NCKAP5: variants seen among roughly 807,000 people sequenced by gnomAD.
NCKAP5 encodes nck-associated protein 5.
A neutral mutation model predicts 167.0 loss-of-function variants in NCKAP5; 92 were observed. That is an observed-to-expected ratio of 0.55 (90% CI 0.47 to 0.66). The LOEUF (loss-of-function observed/expected upper bound fraction) is 0.66. NCKAP5 is among the 30% of genes least tolerant of loss of function. NCKAP5 has a pLI of 0.00. For synonymous variants in NCKAP5, 891 were observed against 877.4 expected, an observed-to-expected ratio of 1.02 and a Z score of -0.27; for missense variants, 2,378 against 2,315.0, an observed-to-expected ratio of 1.03 and a Z score of -0.56.
At chr2:133,671,285 G>C in the NCKAP5 span, among the ~76,000 whole-genome samples, 56 of 151,566 alleles carry the variant, frequency 3.7e-4, no homozygotes, top group African/African-American at 1.3e-3. Flanking sequence ...TGAGAGCAGA[G>C]GCAATGTGAT....
intron 7 of NCKAP5, among the ~76,000 whole-genome samples, chr2:132,975,798 A>C (rs575167095): frequency 3.2e-4 from 49 of 152,094 alleles, no homozygotes; most frequent in African/African-American, 9.9e-4. Context: ...AAAAAAAAAA[A>C]CCTCATAACT....
intron 19 of NCKAP5, among the ~76,000 whole-genome samples, chr2:132,695,810 A>G (rs1464388984): frequency 6.6e-6 from 1 of 152,206 alleles, no homozygotes; most frequent in Admixed American, 6.5e-5. Context: ...CCGTTTACAC[A>G]TCACACAATT....
intron 5 of NCKAP5, among the ~76,000 whole-genome samples, chr2:133,141,761 T>G (rs2083005967): frequency 6.6e-6 from 1 of 152,196 alleles, no homozygotes; most frequent in Non-Finnish European, 1.5e-5. Flanking sequence ...AACGAAGACT[T>G]GAGAACAAGT....
At chr2:133,235,262 T>A (rs1418118937) in intron 4 of NCKAP5, among the ~76,000 whole-genome samples, 2 of 152,074 alleles carry the variant, frequency 1.3e-5, no homozygotes, top group South Asian at 2.1e-4. Context: ...GCAGTGAAAG[T>A]GTGAGTGACC....
chr2:133,232,889 C>A (rs143851349), intron 4 of NCKAP5, among the ~76,000 whole-genome samples: 2 of 152,098 alleles, frequency 1.3e-5, no homozygotes, highest in African/African-American at 2.4e-5. Context: ...ACCTCAATGG[C>A]AAAATGTCTC....
At chr2:132,877,896 C>T (rs1043991346) in intron 9 of NCKAP5, among the ~76,000 whole-genome samples, 5 of 152,258 alleles carry the variant, frequency 3.3e-5, no homozygotes, top group South Asian at 2.1e-4. Flanking sequence ...TGGAACCAGA[C>T]GAAATGCAGT....
chr2:132,765,280 A>G (rs1008777175), intron 16 of NCKAP5, among the ~76,000 whole-genome samples: 5 of 146,024 alleles, frequency 3.4e-5, no homozygotes, highest in African/African-American at 1.0e-4. Flanking sequence ...AACTCTTCAA[A>G]TTTGTTTTCC....
intron 5 of NCKAP5, among the ~76,000 whole-genome samples, chr2:133,149,202 A>G (rs1274821766): frequency 6.6e-6 from 1 of 152,190 alleles, no homozygotes; most frequent in Non-Finnish European, 1.5e-5. Flanking sequence ...AGAAGCTTCT[A>G]ACATCTCACT....
chr2:133,181,314 A>T (rs2084722367), intron 5 of NCKAP5, among the ~76,000 whole-genome samples: 1 of 152,056 alleles, frequency 6.6e-6, no homozygotes, highest in Non-Finnish European at 1.5e-5. Flanking sequence ...CCACTAGAAA[A>T]GCTACATAAA....
the NCKAP5 span, among the ~76,000 whole-genome samples, chr2:133,666,727 T>C: frequency 1.3e-5 from 2 of 151,980 alleles, no homozygotes; most frequent in African/African-American, 4.8e-5. Flanking sequence ...GATAATGGAA[T>C]CGATTTAAAT....
At chr2:133,459,168 T>C (rs1692040761) in intron 3 of NCKAP5, among the ~76,000 whole-genome samples, 1 of 152,138 alleles carries the variant, frequency 6.6e-6, no homozygotes, top group Non-Finnish European at 1.5e-5. Flanking sequence ...AGGATTTTCT[T>C]AGCATTTTCC....
chr2:133,416,535 G>T (rs969747279), intron 3 of NCKAP5, among the ~76,000 whole-genome samples: 7 of 152,066 alleles, frequency 4.6e-5, no homozygotes, highest in Admixed American at 2.0e-4. Context: ...GAAACTTCAG[G>T]CTTCTTGGAA....
intron 10 of NCKAP5, among the ~76,000 whole-genome samples, chr2:132,866,271 C>A (rs1015813927): frequency 1.3e-5 from 2 of 152,114 alleles, no homozygotes; most frequent in Non-Finnish European, 2.9e-5. Flanking sequence ...CACTGAAGAA[C>A]CTAGGTGAGT....
chr2:133,146,541 C>T (rs1441037880), intron 5 of NCKAP5, among the ~76,000 whole-genome samples: 3 of 152,010 alleles, frequency 2.0e-5, no homozygotes, highest in Non-Finnish European at 4.4e-5. Context: ...TAAGCATTTG[C>T]CTTCAAATTA....
intron 8 of NCKAP5, among the ~76,000 whole-genome samples, chr2:132,961,637 T>C (rs1399887144): frequency 3.3e-5 from 5 of 152,188 alleles, no homozygotes; most frequent in African/African-American, 1.2e-4. Context: ...AAGAACTCTG[T>C]GGAAGGAAAA....
At chr2:133,633,163 G>A in the NCKAP5 span, among the ~76,000 whole-genome samples, 1 of 152,110 alleles carries the variant, frequency 6.6e-6, no homozygotes, top group Non-Finnish European at 1.5e-5. Flanking sequence ...GTTCAGACAG[G>A]GGAAGTAATG....
chr2:133,626,651 G>A, the NCKAP5 span, among the ~76,000 whole-genome samples: 1 of 151,932 alleles, frequency 6.6e-6, no homozygotes, highest in African/African-American at 2.4e-5. Context: ...GTTTTTAAAA[G>A]AGTCTTTATC....
At chr2:133,164,504 T>C (rs1238188515) in intron 5 of NCKAP5, among the ~76,000 whole-genome samples, 1 of 152,204 alleles carries the variant, frequency 6.6e-6, no homozygotes, top group Non-Finnish European at 1.5e-5. Flanking sequence ...CAAATCTTAT[T>C]TATTATTATG....
At chr2:132,964,904 G>A (rs973458882) in intron 7 of NCKAP5, among the ~76,000 whole-genome samples, 10 of 151,918 alleles carry the variant, frequency 6.6e-5, no homozygotes, top group South Asian at 2.1e-4. Flanking sequence ...AAAAAACCAC[G>A]GCGTTTTCAA....
Sources: gnomAD v4.1 joint callset for allele counts (sites outside exome capture counted in the v4.1 genomes callset) on GRCh38, gnomAD v4.1.1 for gene constraint, MANE v1.5 for transcripts, NCBI Gene and HGNC (gene_info 2026-07-23, HGNC 2026-07-21) for gene names.